The following SLMAP variants were observed in gnomAD, a reference collection of about 807,000 sequenced individuals.
SLMAP encodes sarcolemmal membrane-associated protein.
In SLMAP, 44 loss-of-function variants were observed where a neutral mutation model predicts 128.8. The ratio of observed to expected loss-of-function variants is 0.34; its 90% CI spans 0.27 to 0.44. SLMAP has a LOEUF of 0.44. Ranked by LOEUF, SLMAP falls within the 20% of genes least tolerant of loss-of-function variation. The pLI, the probability that SLMAP is intolerant of heterozygous loss-of-function variation, is 1.00. For missense variants in SLMAP, 787 were observed against 985.3 expected (o/e 0.80, Z 2.69); for synonymous variants, 327 against 348.8 (o/e 0.94, Z 0.70).
chr3:57,905,959 A>G (rs1229591996), intron 17 of SLMAP, among the ~76,000 whole-genome samples: 1 of 151,808 alleles, frequency 6.6e-6, no homozygotes, highest in Non-Finnish European at 1.5e-5. Context: ...AGCAAGGAAA[A>G]TACCTACTCA....
intron 17 of SLMAP, among the ~76,000 whole-genome samples, chr3:57,906,050 T>TAAA (rs1168626870): frequency 7.6e-5 from 8 of 105,956 alleles, no homozygotes; most frequent in African/African-American, 1.1e-4. Flanking sequence ...AAATACTCCT[T>TAAA]AAAAAAAAAA....
At chr3:57,803,124 A>T (rs1158362590) in intron 2 of SLMAP, among the ~76,000 whole-genome samples, 1 of 152,204 alleles carries the variant, frequency 6.6e-6, no homozygotes, top group South Asian at 2.1e-4. Context: ...GAAGGCAAAT[A>T]AAAACAGTGA....
intron 2 of SLMAP, among the ~76,000 whole-genome samples, chr3:57,804,943 G>A (rs936670616): frequency 5.3e-5 from 8 of 152,088 alleles, no homozygotes; most frequent in African/African-American, 1.9e-4. Flanking sequence ...TGTCCCAGTA[G>A]GTTCTGCTAA....
intron 19 of SLMAP, among the ~76,000 whole-genome samples, chr3:57,910,622 A>G (rs1576255186): frequency 6.6e-6 from 1 of 152,052 alleles, no homozygotes; most frequent in African/African-American, 2.4e-5. Context: ...TTCCAGAAAG[A>G]CCCCTGCCTG....
intron 2 of SLMAP, among the ~76,000 whole-genome samples, chr3:57,761,017 G>A (rs2078521016): frequency 1.3e-5 from 2 of 150,688 alleles, no homozygotes; most frequent in Admixed American, 6.6e-5. Context: ...ATGAGCCACC[G>A]CGCCCGGCCA....
chr3:57,783,729 C>T (rs1411260559), intron 2 of SLMAP, among the ~76,000 whole-genome samples: 1 of 152,150 alleles, frequency 6.6e-6, no homozygotes, highest in Non-Finnish European at 1.5e-5. Flanking sequence ...TACTTATCAT[C>T]AAGAAAATGG....
intron 4 of SLMAP, among the ~76,000 whole-genome samples, chr3:57,844,129 G>T (rs2094123141): frequency 6.6e-6 from 1 of 151,810 alleles, no homozygotes; most frequent in South Asian, 2.1e-4. Flanking sequence ...CAGGTGGCTC[G>T]TGCCTGTAAT....
At position 57,831,526 on chromosome 3, in the gene SLMAP, GA is replaced by G; in HGVS notation, c.345del (p.Val116LeufsTer10). ...GAGTAGACGTGACAGAGAATACACG[GA>G]AAGGTACGGGTATGGATCACTTTTT... ...FGVDVTENTR[K>X]VTHGCIVSTI... On this transcript the variant is annotated frameshift_variant, in exon 3 of 25. Transcript: ENST00000671191. LOFTEE classifies it high-confidence loss of function. The G allele has an allele frequency of 6.5e-7, 1 of 1,546,812 alleles. No individual in the cohort carries two copies. The highest frequency in any genetic ancestry group is 1.2e-5 in the South Asian group (1 of 80,380).
chr3:57,900,329 G>T (rs1320600553), intron 17 of SLMAP: 1 of 152,122 alleles, frequency 6.6e-6, no homozygotes, highest in African/African-American at 2.4e-5. Flanking sequence ...CCTTTTCCCT[G>T]ATATAGTAAT....
intron 2 of SLMAP, among the ~76,000 whole-genome samples, chr3:57,821,306 G>T (rs1306456535): frequency 1.3e-5 from 2 of 152,102 alleles, no homozygotes; most frequent in African/African-American, 2.4e-5. Flanking sequence ...CATCTAGAAT[G>T]TCACTAGGTG....
At chr3:57,885,473 G>A (rs2095856978) in intron 14 of SLMAP, among the ~76,000 whole-genome samples, 1 of 145,616 alleles carries the variant, frequency 6.9e-6, no homozygotes, top group Non-Finnish European at 1.5e-5. Context: ...AGGCTAGAGT[G>A]CAGTGGTGCG....
rs2097045443 is a variant in SLMAP at position 57,928,897 on chromosome 3, A to T, written c.*1608A>T. On this transcript the variant is annotated 3_prime_UTR_variant, in exon 25 of 25. Coordinates refer to ENST00000671191, the MANE Select transcript of SLMAP (RefSeq NM_001377540.1). ...CAAATGACTTGTAGAAAATACTGTCATATAGTTCATTTCATCATTTTCTGT... is the reference window on the plus strand; with the variant it reads ...CAAATGACTTGTAGAAAATACTGTCTTATAGTTCATTTCATCATTTTCTGT... 1 of 152,638 alleles carries T rather than the reference A, an allele frequency of 6.6e-6. No homozygotes were observed. Among genetic ancestry groups the T allele is most frequent in the Non-Finnish European group, 1.5e-5 (1 of 68,012 alleles). 9.5% of individuals were successfully genotyped at this position (152,638 alleles called of 1,614,324 possible). A position where few individuals can be genotyped will look rare whatever the true frequency, so the allele number is the denominator to read the frequency against.
intron 24 of SLMAP, 96 bp from the exon 25 acceptor site, chr3:57,927,200 C>A: frequency 1.8e-6 from 1 of 561,950 alleles, no homozygotes; most frequent in Non-Finnish European, 3.0e-6. Context: ...TTCCAATATT[C>A]TGTTAAGTAT....
chr3:57,767,387 G>T (rs1170520697), intron 2 of SLMAP, among the ~76,000 whole-genome samples: 1 of 152,242 alleles, frequency 6.6e-6, no homozygotes, highest in Non-Finnish European at 1.5e-5. Context: ...AACCTGTGCA[G>T]TGTTAAAGGG....
intron 4 of SLMAP, among the ~76,000 whole-genome samples, chr3:57,844,543 C>A (rs1186017051): frequency 6.6e-6 from 1 of 151,332 alleles, no homozygotes; most frequent in Non-Finnish European, 1.5e-5. Flanking sequence ...TACTTATATC[C>A]AGGGTAGTTT....
chr3:57,852,957 A>G (rs1383077415), intron 6 of SLMAP, among the ~76,000 whole-genome samples: 3 of 152,270 alleles, frequency 2.0e-5, no homozygotes, highest in Non-Finnish European at 4.4e-5. Context: ...GAACATTTTA[A>G]GTAAAAACTG....
Position 57,769,338 on chromosome 3 carries a change from C to T in SLMAP, c.198+11489C>T, listed in dbSNP as rs537617340. On this transcript the variant is annotated intron_variant, in intron 2 of 24. Coordinates refer to ENST00000671191, the MANE Select transcript of SLMAP (RefSeq NM_001377540.1). ...CTCCTGAGTAGCTGGGACTACAGGG[C>T]GCCTGTCACCACGCCCAGCCAGTTT... Among the ~76,000 whole-genome samples the T allele has an allele frequency of 2.0e-4, 30 of 151,982 alleles. No homozygotes were observed. The South Asian group carries it at 5.8e-3, about 30-fold the overall frequency.
At chr3:57,762,368 C>CAA (rs201067236) in intron 2 of SLMAP, among the ~76,000 whole-genome samples, 3 of 90,018 alleles carry the variant, frequency 3.3e-5, no homozygotes, top group Admixed American at 1.2e-4. Context: ...GACTCTGTCT[C>CAA]AAAAAAAAAA....
intron 2 of SLMAP, among the ~76,000 whole-genome samples, chr3:57,784,798 G>A (rs761090930): frequency 7.2e-5 from 11 of 152,100 alleles, no homozygotes; most frequent in Non-Finnish European, 1.6e-4. Context: ...TTGGGAGGTG[G>A]GGCCTAATAA....
Sources: gnomAD v4.1 joint callset for allele counts (sites outside exome capture counted in the v4.1 genomes callset) on GRCh38, gnomAD v4.1.1 for gene constraint, MANE v1.5 for transcripts, NCBI Gene and HGNC (gene_info 2026-07-23, HGNC 2026-07-21) for gene names.